The following PTGR1 variants were observed in gnomAD, a reference collection of about 807,000 sequenced individuals.
The protein encoded by PTGR1 is prostaglandin reductase 1.
Under a neutral mutation model 37.7 loss-of-function variants are expected in PTGR1, and 23 were observed. That is an observed-to-expected ratio of 0.61 (90% confidence interval 0.44 to 0.86). The LOEUF is 0.86. Ranked by LOEUF, PTGR1 falls within the 40% of genes least tolerant of loss-of-function variation. The pLI, the probability that PTGR1 is intolerant of heterozygous loss-of-function variation, is 0.00. For missense variants in PTGR1, 351 were observed against 394.3 expected, an observed-to-expected ratio of 0.89 and a Z score of 0.93; for synonymous variants, 134 against 140.0, an observed-to-expected ratio of 0.96 and a Z score of 0.30.
chr9:111,557,571 G>A (rs1303068686), downstream of PTGR1, among the ~76,000 whole-genome samples: 1 of 151,532 alleles, frequency 6.6e-6, no homozygotes, highest in Non-Finnish European at 1.5e-5. Context: ...TCAGCCTCCC[G>A]AGTGGCTGTG....
chr9:111,572,142 T>G (rs750994444), intron 8 of PTGR1, among the ~76,000 whole-genome samples: 38 of 152,252 alleles, frequency 2.5e-4, no homozygotes, highest in Non-Finnish European at 4.4e-4. Flanking sequence ...TCCCACTGAT[T>G]ACTTTGAGGA....
At chr9:111,599,423 C>T (rs1829877146) in intron 1 of PTGR1, 180 bp downstream of exon 1, 1 of 152,352 alleles carries the variant, frequency 6.6e-6, no homozygotes, top group Non-Finnish European at 1.5e-5. Flanking sequence ...GGGCGGGAGG[C>T]GTCGGGACGT....
At chr9:111,555,776 C>T (rs1267648143) in intron 9 of PTGR1, among the ~76,000 whole-genome samples, 1 of 152,194 alleles carries the variant, frequency 6.6e-6, no homozygotes, top group East Asian at 1.9e-4. Context: ...CCCATCACCT[C>T]CCACCAGGTC....
chr9:111,576,590 C>A, intron 7 of PTGR1: 1 of 639,618 alleles, frequency 1.6e-6, no homozygotes, highest in Non-Finnish European at 2.6e-6. Context: ...CACTTCTGAA[C>A]CTCCTTTTGT....
downstream of PTGR1, among the ~76,000 whole-genome samples, chr9:111,558,236 T>C (rs944608763): frequency 1.3e-5 from 2 of 152,252 alleles, no homozygotes; most frequent in African/African-American, 4.8e-5. Context: ...GGTTTCCCTT[T>C]TTAATTCAAT....
intron 3 of PTGR1, 62 bp from the exon 4 acceptor site, chr9:111,593,044 T>G (rs1181241711): frequency 2.0e-6 from 3 of 1,509,324 alleles, no homozygotes; most frequent in Non-Finnish European, 2.6e-6. Context: ...ATTCCATTCT[T>G]AATACATAGG....
chr9:111,588,679 C>A (rs1387178068), intron 4 of PTGR1, among the ~76,000 whole-genome samples: 1 of 152,102 alleles, frequency 6.6e-6, no homozygotes, highest in Admixed American at 6.5e-5. Flanking sequence ...GCGCCCACCA[C>A]CACGCCTGGC....
intron 2 of PTGR1, among the ~76,000 whole-genome samples, chr9:111,595,785 CA>C (rs1279395545): frequency 6.6e-6 from 1 of 152,104 alleles, no homozygotes; most frequent in African/African-American, 2.4e-5. Context: ...AGGTGCTCAC[CA>C]CCACACCCAG....
At chr9:111,554,808 G>C (rs1186221360) in intron 9 of PTGR1, among the ~76,000 whole-genome samples, 3 of 152,136 alleles carry the variant, frequency 2.0e-5, no homozygotes, top group Non-Finnish European at 4.4e-5. Flanking sequence ...TTTGAATAAG[G>C]GGAGACCACT....
chr9:111,574,989 T>G, intron 7 of PTGR1, 147 bp from the exon 8 acceptor site: 1 of 620,912 alleles, frequency 1.6e-6, no homozygotes, highest in Non-Finnish European at 2.7e-6. Context: ...AGACTGCAGT[T>G]AGAAAAAGAC....
intron 7 of PTGR1, chr9:111,576,421 G>A (rs1421234470): frequency 6.2e-7 from 1 of 1,613,972 alleles, no homozygotes; most frequent in Non-Finnish European, 8.5e-7. Context: ...ATAAGACCAT[G>A]CTCTGCCTTC....
intron 9 of PTGR1, among the ~76,000 whole-genome samples, chr9:111,568,910 T>TA (rs1419950284): frequency 1.3e-5 from 2 of 152,192 alleles, no homozygotes; most frequent in Non-Finnish European, 2.9e-5. Flanking sequence ...TCAGATTCTG[T>TA]ATATATTTTG....
rs1332631348 is a variant in PTGR1, at chr9:111,570,112, G to A, written c.858C>T (p.Asp286=). The A allele has an allele frequency of 1.2e-6, 2 of 1,613,994 alleles. No individual in the cohort carries two copies. The highest frequency in any genetic ancestry group is 2.7e-5 in the African/African-American group (2 of 74,916). ...TTACCTCTAAGACCCATTTCAGCAAGTCCTTCAGAGCTTTTTGGCGGGCAT... is the reference window on the plus strand; with the variant it reads ...TTACCTCTAAGACCCATTTCAGCAAATCCTTCAGAGCTTTTTGGCGGGCAT... The part of the protein sequence containing the change: ...QGDARQKALK[D]LLKWVLEGKI... Residue 286 remains aspartate, a synonymous_variant, in exon 9 of 10, where the codon GAC becomes GAT. Transcript: ENST00000407693.
At chr9:111,570,796 A>T (rs939755930) in intron 8 of PTGR1, among the ~76,000 whole-genome samples, 2 of 151,980 alleles carry the variant, frequency 1.3e-5, no homozygotes, top group Non-Finnish European at 2.9e-5. Flanking sequence ...TAAAAAGAAA[A>T]AAAGAACCTT....
chr9:111,594,144 G>T, intron 3 of PTGR1, 78 bp downstream of exon 3: 4 of 1,365,848 alleles, frequency 2.9e-6, no homozygotes, highest in Non-Finnish European at 4.2e-6. Flanking sequence ...TAAGTCAGTT[G>T]GATATTTTAG....
intron 2 of PTGR1, among the ~76,000 whole-genome samples, chr9:111,596,926 CAAAAAA>C (rs71494900): frequency 2.0e-4 from 18 of 90,654 alleles, no homozygotes; most frequent in East Asian, 9.5e-4. Context: ...GACTCTGTCT[CAAAAAA>C]AAAAAAAAAA....
At chr9:111,575,318 T>G (rs1299857516) in intron 7 of PTGR1, 1 of 152,340 alleles carries the variant, frequency 6.6e-6, no homozygotes, top group Admixed American at 6.6e-5. Flanking sequence ...AAAAGAAAAA[T>G]AAATAAACAG....
downstream of PTGR1, among the ~76,000 whole-genome samples, chr9:111,561,162 A>C (rs1427669949): frequency 7.1e-6 from 1 of 140,954 alleles, no homozygotes; most frequent in African/African-American, 2.6e-5. Context: ...AGAGAGAGAG[A>C]GAGAGAGAGA....
At chr9:111,592,681 T>C in intron 4 of PTGR1, 1 of 451,840 alleles carries the variant, frequency 2.2e-6, no homozygotes, top group Non-Finnish European at 3.8e-6. Context: ...ACAAATACTT[T>C]TTTTTTTTTA....
Sources: gnomAD v4.1 joint callset for allele counts (sites outside exome capture counted in the v4.1 genomes callset) on GRCh38, gnomAD v4.1.1 for gene constraint, MANE v1.5 for transcripts, NCBI Gene and HGNC (gene_info 2026-07-23, HGNC 2026-07-21) for gene names.